The following NEB variants were observed in gnomAD, a reference collection of about 807,000 sequenced individuals.
NEB encodes the protein nebulin.
Under a neutral mutation model 952.2 loss-of-function variants are expected in NEB, and 512 were observed. The observed-to-expected ratio is 0.54, with a 90% CI of 0.50 to 0.58. The LOEUF (loss-of-function observed/expected upper bound fraction) is 0.58, where lower values mean the gene tolerates loss of function less well. NEB is among the 20% of genes least tolerant of loss of function. The pLI, the probability that NEB is intolerant of heterozygous loss-of-function variation, is 0.00. For missense variants in NEB, 8,428 were observed against 9,231.1 expected, an observed-to-expected ratio of 0.91 and a Z score of 3.56; for synonymous variants, 2,900 against 3,149.8, an observed-to-expected ratio of 0.92 and a Z score of 2.66.
rs764417105 is a variant in NEB, at chr2:151,727,800, G to A, written c.185C>T (p.Ser62Leu). The change falls in exon 5 of 182, where the codon TCA (serine) becomes TTA (leucine). Residue 62 changes from serine (S) to leucine (L), a missense_variant. Around this residue, in one of 11 missense-constraint regions of NEB, gnomAD observed 2,851 missense variants for 2,791.5 expected, o/e 1.02. Coordinates refer to ENST00000397345, the MANE Select transcript of NEB (RefSeq NM_001164508.2). ...CTTCCTCCTCTCCACCGGCTTTGCT[G>A]ATGCTGGCTGTGCCAGTGCTGGCTG... ...LAQPALAQPA[S>L]AKPVERRKVI... 1.1e-5 allele frequency: 18 copies of A among 1,611,758 alleles called. No individual in the cohort carries two copies. In the East Asian group the frequency reaches 3.6e-4, roughly 32 times the overall value.
rs762300305 is a variant in NEB, at chr2:151,567,465, A to G, written c.17859T>C (p.Ala5953=). The change falls in exon 114 of 182, where the codon GCT becomes GCC. Residue 5953 remains alanine, a synonymous_variant. Transcript: ENST00000397345. ...NDVQSELKYK[A]EHVKQKGHYV... ...AATGACCTTTTTGCTTCACATGTTC[A>G]GCTTTGTATTTCAGCTGGCGAGAAG... 4 of 1,610,124 alleles carry G rather than the reference A, an allele frequency of 2.5e-6. No homozygotes were observed. In the South Asian group the frequency reaches 3.3e-5, roughly 13 times the overall value.
Position 151,616,069 on chromosome 2 carries a change from C to G in NEB, c.11222G>C (p.Gly3741Ala). 6.2e-7 allele frequency: 1 copy of G among 1,612,994 alleles called. No individual in the cohort carries two copies. The highest frequency in any genetic ancestry group is 1.1e-5 in the South Asian group (1 of 90,836). The change falls in exon 76 of 182, where the codon GGC (glycine) becomes GCC (alanine). Residue 3741 changes from glycine (G) to alanine (A), a missense_variant. Around this residue, in one of 11 missense-constraint regions of NEB, gnomAD observed 1,772 missense variants for 1,960.3 expected, o/e 0.90. Transcript: ENST00000397345. ...AATGGCATCCAGACGCAAGTCATAG[C>G]CTTCCTTCTTGGACTCTTCCAAAGC... ...KLALEESKKEGYDLRLDAIPI... is the reference protein window; with the variant it reads ...KLALEESKKEAYDLRLDAIPI...
chr2:151,719,357 A>T (rs1375615962), intron 9 of NEB, among the ~76,000 whole-genome samples: 1 of 152,176 alleles, frequency 6.6e-6, no homozygotes, highest in East Asian at 1.9e-4. Context: ...AGTTTCTACG[A>T]TTATTTTCCC....
At chr2:151,548,954 C>T (rs1006612665) in intron 130 of NEB, among the ~76,000 whole-genome samples, 122 of 152,258 alleles carry the variant, frequency 8.0e-4, no homozygotes, top group African/African-American at 2.8e-3. Flanking sequence ...ATTCCACCAG[C>T]GGCTCATTGT....
rs1331207829 is a variant in NEB at position 151,565,056 on chromosome 2, T to C, written c.18459A>G (p.Lys6153=). ...PHISHSKDMG[K]LYSTILYKGA... ...AAAGAGAACTTACAGTACTGTAGAG[T>C]TTTCCCATGTCTTTGGAGTGGGAGA... is the stretch of plus-strand genomic sequence containing the variant. The change falls in exon 117 of 182, where the codon AAA becomes AAG. Residue 6153 remains lysine (K), a synonymous_variant. Coordinates refer to ENST00000397345, the MANE Select transcript of NEB (RefSeq NM_001164508.2). The C allele has an allele frequency of 1.3e-6, 2 of 1,571,936 alleles. No individual in the cohort carries two copies. The highest frequency in any genetic ancestry group is 1.7e-6 in the Non-Finnish European group (2 of 1,145,158).
At chr2:151,644,643 A>G (rs897296104) in intron 55 of NEB, 68 bp from the exon 56 acceptor site, 73 of 1,286,200 alleles carry the variant, frequency 5.7e-5, no homozygotes, top group Non-Finnish European at 8.1e-5. Context: ...TAATGATCAA[A>G]TGTGCTAAAT....
In NEB at chr2:151,665,437, T is replaced by C. The variant is rs2099203027; in HGVS notation, c.5134A>G (p.Ser1712Gly). Residue 1712 changes from serine (S) to glycine (G), a missense_variant, in exon 42 of 182, where the codon AGT becomes GGT. Around this residue, in one of 11 missense-constraint regions of NEB, gnomAD observed 2,851 missense variants for 2,791.5 expected, o/e 1.02. Coordinates refer to ENST00000397345, the MANE Select transcript of NEB (RefSeq NM_001164508.2). ...EKAKKAGEIL[S>G]EKKYRQHPEK... ...GGGTGCTGGCGATACTTCTTCTCACTAAGAATCTCTCCTGCTTTCTTTGCC... is the reference window on the plus strand; with the variant it reads ...GGGTGCTGGCGATACTTCTTCTCACCAAGAATCTCTCCTGCTTTCTTTGCC... 6.2e-7 allele frequency: 1 copy of C among 1,613,728 alleles called. No individual in the cohort carries two copies. Among genetic ancestry groups the C allele is most frequent in the South Asian group, 1.1e-5 (1 of 91,012 alleles).
chr2:151,672,020 G>C (rs2099306170), intron 37 of NEB, among the ~76,000 whole-genome samples: 1 of 151,986 alleles, frequency 6.6e-6, no homozygotes, highest in South Asian at 2.1e-4. Context: ...ATTCAGGAAG[G>C]ATAGAAAATT....
chr2:151,684,878 G>A lies in NEB; in HGVS notation c.2735C>T (p.Ala912Val), dbSNP rs1422068062. The change falls in exon 28 of 182, where the codon GCC becomes GTC. Residue 912 changes from alanine to valine, a missense_variant. By Grantham distance (64) the Ala-to-Val change is moderately conservative. Coordinates refer to ENST00000397345, the MANE Select transcript of NEB (RefSeq NM_001164508.2). ...VTQAKKSQAI[A>V]SDVDYKHILH... ...GATGTGCTTATAATCAACGTCGCTG[G>A]CAATTGCCTGAGATTTCTTAGCTTG... The A allele has an allele frequency of 6.2e-7, 1 of 1,612,962 alleles. No homozygotes were observed. The highest frequency in any genetic ancestry group is 8.5e-7 in the Non-Finnish European group (1 of 1,179,392).
intron 71 of NEB, among the ~76,000 whole-genome samples, chr2:151,622,872 A>G (rs754819856): frequency 4.6e-5 from 7 of 152,230 alleles, no homozygotes; most frequent in Non-Finnish European, 8.8e-5. Flanking sequence ...ATTCAGTTCA[A>G]GAGAATGAGT....
Position 151,705,501 on chromosome 2 carries a change from T to C in NEB, c.1152+1380A>G, listed in dbSNP as rs539607744. On this transcript the variant is annotated intron_variant, in intron 13 of 181. Transcript: ENST00000397345. ...GGAATATAAATTAGCACAGCCACCA[T>C]GGAAAACAGTATGGAGATTCCTTAA... Among the ~76,000 whole-genome samples, 3 of 152,296 alleles carry C rather than the reference T, an allele frequency of 2.0e-5. 1 individual carries two copies. Among genetic ancestry groups the C allele is most frequent in the Admixed American group, 6.5e-5 (1 of 15,298 alleles).
intron 159 of NEB, 91 bp downstream of exon 159, chr2:151,514,227 T>C: frequency 1.2e-6 from 1 of 840,578 alleles, no homozygotes; most frequent in Non-Finnish European, 2.0e-6. Flanking sequence ...TTCTCTGTTC[T>C]CTGTTTTTGT....
chr2:151,727,872 C>G lies in NEB; in HGVS notation c.113G>C (p.Arg38Thr). 1 of 1,613,546 alleles carries G rather than the reference C, an allele frequency of 6.2e-7. No individual in the cohort carries two copies. Among genetic ancestry groups the G allele is most frequent in the Admixed American group, 1.7e-5 (1 of 59,924 alleles). The stretch of plus-strand genomic sequence containing the variant: ...TTCTGATTGCTCATAGTCAGATGTC[C>G]TTGTTGTCGTAGTCTCATAAATTTT... ...ITKIYETTTT[R>T]TSDYEQSETS... Residue 38 changes from arginine (R) to threonine (T), a missense_variant, in exon 5 of 182, where the codon AGG becomes ACG. Physicochemically the swap from Arg to Thr is moderately conservative, Grantham distance 71. Transcript: ENST00000397345.
At chr2:151,521,165 C>G (rs1305210470) in intron 153 of NEB, among the ~76,000 whole-genome samples, 1 of 152,130 alleles carries the variant, frequency 6.6e-6, no homozygotes, top group Non-Finnish European at 1.5e-5. Context: ...TTCACCTCCC[C>G]CAACTTGACA....
rs370296542 is a variant in NEB, at chr2:151,688,353, T to C, written c.2354A>G (p.His785Arg). ...AKHEGEKFKC[H>R]IPADAPQFIQ... Reference sequence around the variant, plus strand: ...AAACTGTGGAGCATCTGCTGGTATATGGCACTTGAACTTCTCACCTTCATG... The same window carrying C: ...AAACTGTGGAGCATCTGCTGGTATACGGCACTTGAACTTCTCACCTTCATG... Residue 785 changes from histidine (H) to arginine (R), a missense_variant, in exon 25 of 182, where the codon CAT becomes CGT. By Grantham distance (29) the His-to-Arg change is conservative (BLOSUM62 0). This residue lies in a region of NEB where 2,851 missense variants were observed against 2,791.5 expected (regional missense o/e 1.02). Transcript: ENST00000397345. 202 of 1,613,962 alleles carry C rather than the reference T, an allele frequency of 1.3e-4. No homozygotes were observed. The highest frequency in any genetic ancestry group is 1.6e-4 in the Non-Finnish European group (191 of 1,179,854).
rs2154143286 is a variant in NEB, at chr2:151,654,040, A to G, written c.6867T>C (p.Asp2289=). 7 of 1,612,862 alleles carry G rather than the reference A, an allele frequency of 4.3e-6. No individual in the cohort carries two copies. The highest frequency in any genetic ancestry group is 4.2e-6 in the Non-Finnish European group (5 of 1,179,218). ...ALKKGYDLPV[D]AISVQLAKAS... is the part of the protein sequence containing the mutation. ...CTTTAGCTAGCTGTACAGAAATTGC[A>G]TCAACTGGGAGATCATAGCCTTTCT... Residue 2289 remains aspartate (D), a synonymous_variant, in exon 52 of 182, where the codon GAT becomes GAC. Transcript: ENST00000397345.
At chr2:151,734,264 G>A (rs901882621) in intron 1 of NEB, 134 bp downstream of exon 1, 39 of 152,238 alleles carry the variant, frequency 2.6e-4, no homozygotes, top group Admixed American at 7.8e-4. Flanking sequence ...AGGGCAATGG[G>A]GTTAAACTCT....
At chr2:151,679,873 G>A (rs547102749) in intron 31 of NEB, 45 bp from the exon 32 acceptor site, 2 of 1,605,824 alleles carry the variant, frequency 1.2e-6, no homozygotes, top group Admixed American at 1.7e-5. Flanking sequence ...GACTGTGTTA[G>A]TAAAGTCTGG....
chr2:151,498,102 T>TTAAC (rs1231115095), intron 170 of NEB, 158 bp downstream of exon 170: 16 of 1,480,492 alleles, frequency 1.1e-5, no homozygotes, highest in Middle Eastern at 2.3e-4. Context: ...AAAATTGACA[T>TTAAC]TAACTGTATT....
Sources: gnomAD v4.1 joint callset for allele counts (sites outside exome capture counted in the v4.1 genomes callset) on GRCh38, gnomAD v4.1.1 for gene constraint, gnomAD v4.1.1 regional missense constraint, MANE v1.5 for transcripts, NCBI Gene and HGNC (gene_info 2026-07-23, HGNC 2026-07-21) for gene names.